Variants in MMP26 observed in about 807,000 individuals in gnomAD.
MMP26 encodes the protein matrix metalloproteinase-26.
In MMP26, 33 loss-of-function variants were observed where a neutral mutation model predicts 31.0. The ratio of observed to expected loss-of-function variants is 1.06; its 90% CI spans 0.81 to 1.42. The LOEUF is 1.42. Ranked by LOEUF, MMP26 falls within the 40% of genes most tolerant of loss-of-function variation. The pLI, the probability that MMP26 is intolerant of heterozygous loss-of-function variation, is 0.00. For synonymous variants in MMP26, 122 were observed against 114.9 expected (o/e 1.06, Z -0.40); for missense variants, 347 against 316.1 (o/e 1.10, Z -0.74).
chr11:4,897,947 T>C (rs968529026), intron 2 of MMP26, among the ~76,000 whole-genome samples: 27 of 147,936 alleles, frequency 1.8e-4, no homozygotes, highest in Non-Finnish European at 9.0e-5. Context: ...AAATAATAAA[T>C]ATTATATATT....
chr11:4,888,679 A>G (rs1314606648), intron 2 of MMP26, among the ~76,000 whole-genome samples: 4 of 152,158 alleles, frequency 2.6e-5, no homozygotes, highest in Non-Finnish European at 5.9e-5. Flanking sequence ...ATGTTATGAG[A>G]TAGTTTATTG....
At chr11:4,788,688 G>T (rs555525446) in intron 2 of MMP26, among the ~76,000 whole-genome samples, 1 of 152,158 alleles carries the variant, frequency 6.6e-6, no homozygotes, top group African/African-American at 2.4e-5. Context: ...AGCTTTAGAG[G>T]TGCCAGTTTG....
chr11:4,984,709 A>C (rs528106595), intron 2 of MMP26, among the ~76,000 whole-genome samples: 19 of 152,196 alleles, frequency 1.2e-4, no homozygotes, highest in Non-Finnish European at 2.5e-4. Flanking sequence ...TAAATTTGTC[A>C]ATTGACAAAT....
intron 2 of MMP26, chr11:4,769,916 A>T (rs774976775): frequency 6.4e-7 from 1 of 1,568,878 alleles, no homozygotes; most frequent in South Asian, 1.1e-5. Flanking sequence ...TAGGATTTCC[A>T]TGGTGTCCTG....
At chr11:4,990,828 G>A (rs367947665) in intron 5 of MMP26, 82 bp downstream of exon 5, 1 of 1,410,094 alleles carries the variant, frequency 7.1e-7, no homozygotes, top group Non-Finnish European at 9.5e-7. Context: ...CAAAAACCTA[G>A]CCCCCCTATT....
intron 2 of MMP26, chr11:4,860,325 C>T (rs1287749112): frequency 2.1e-6 from 1 of 471,144 alleles, no homozygotes; most frequent in Non-Finnish European, 4.4e-6. Flanking sequence ...GCATGGAGGG[C>T]AAGGTGGACA....
intron 2 of MMP26, among the ~76,000 whole-genome samples, chr11:4,956,118 G>T (rs574942932): frequency 6.6e-6 from 1 of 152,134 alleles, no homozygotes; most frequent in Non-Finnish European, 1.5e-5. Flanking sequence ...AGTTCTATGT[G>T]ATCAGTTGCC....
At chr11:4,882,546 T>C (rs1421049317) in intron 2 of MMP26, 1 of 1,613,966 alleles carries the variant, frequency 6.2e-7, no homozygotes, top group Non-Finnish European at 8.5e-7. Flanking sequence ...GTATTGTTTA[T>C]TCTTTTCTCC....
chr11:4,884,268 A>C (rs74479301), intron 2 of MMP26, among the ~76,000 whole-genome samples: 3,697 of 152,220 alleles, frequency 0.024, 148 homozygotes, highest in African/African-American at 0.083. Flanking sequence ...TGCAATTATA[A>C]GTAAAATTCG....
At chr11:4,914,844 G>A in intron 2 of MMP26, 1 of 1,614,004 alleles carries the variant, frequency 6.2e-7, no homozygotes, top group East Asian at 2.2e-5. Context: ...ACCAGGTGGG[G>A]TGCCTGCTTT....
intron 2 of MMP26, among the ~76,000 whole-genome samples, chr11:4,892,277 T>TA (rs1160745914): frequency 2.0e-5 from 3 of 152,098 alleles, no homozygotes; most frequent in East Asian, 1.9e-4. Flanking sequence ...AAAGTCCACA[T>TA]AAAAAAAGTA....
Position 4,871,702 on chromosome 11 carries a change from G to C in MMP26, c.-145+104361G>C, listed in dbSNP as rs191584516. Reference sequence around the variant, plus strand: ...AAATCTCCGTGCTGCTGTGGTTGACGCATCAGAAAAGACTCTTGTCTCCTA... The same window carrying C: ...AAATCTCCGTGCTGCTGTGGTTGACCCATCAGAAAAGACTCTTGTCTCCTA... On this transcript the variant is annotated intron_variant, in intron 2 of 7. Coordinates refer to ENST00000380390, the MANE Select transcript of MMP26 (RefSeq NM_021801.5). 5 of 152,104 alleles carry C rather than the reference G, an allele frequency of 3.3e-5. No homozygotes were observed. The South Asian group carries it at 6.2e-4, about 19-fold the overall frequency. 9.4% of individuals were successfully genotyped at this position (152,104 alleles called of 1,614,324 possible).
intron 1 of MMP26, among the ~76,000 whole-genome samples, chr11:4,751,001 T>A (rs905792126): frequency 2.6e-5 from 4 of 152,078 alleles, no homozygotes; most frequent in African/African-American, 9.7e-5. Flanking sequence ...AGTTCCATAA[T>A]AGCCATTCAA....
At chr11:4,710,397 C>T (rs1319255801) in intron 1 of MMP26, 2 of 456,860 alleles carry the variant, frequency 4.4e-6, no homozygotes, top group African/African-American at 2.0e-5. Flanking sequence ...TGTGCACATG[C>T]TCATTGCCAA....
chr11:4,717,071 CATG>C (rs1351768443), intron 1 of MMP26, among the ~76,000 whole-genome samples: 2 of 152,118 alleles, frequency 1.3e-5, no homozygotes, highest in Non-Finnish European at 2.9e-5. Context: ...GAATTTCTTT[CATG>C]ATGATTTTCA....
At chr11:4,741,252 C>G (rs1848307434) in intron 1 of MMP26, among the ~76,000 whole-genome samples, 2 of 152,188 alleles carry the variant, frequency 1.3e-5, no homozygotes, top group South Asian at 2.1e-4. Flanking sequence ...TCTGAGGTCT[C>G]AAAGATCTAG....
rs140086071 is a variant in MMP26 at position 4,987,628 on chromosome 11, C to T, written c.-144-440C>T. ...AGAGACGGGGTTTCACCGTGTTAGC[C>T]AGGATGGTCTCGATCTCCTGACTTG... On this transcript the variant is annotated intron_variant, in intron 2 of 7. Coordinates refer to ENST00000380390, the MANE Select transcript of MMP26 (RefSeq NM_021801.5). 6.0e-3 allele frequency among the ~76,000 whole-genome samples: 906 copies of T among 151,866 alleles called. 6 individuals carry two copies. Among genetic ancestry groups the T allele is most frequent in the African/African-American group, 0.018 (746 of 41,426 alleles).
At chr11:4,714,936 A>G (rs1316282575) in intron 1 of MMP26, among the ~76,000 whole-genome samples, 1 of 151,658 alleles carries the variant, frequency 6.6e-6, no homozygotes, top group Non-Finnish European at 1.5e-5. Context: ...ACACACACAC[A>G]CACACACACA....
At chr11:4,815,909 G>C (rs1849413763) in intron 2 of MMP26, among the ~76,000 whole-genome samples, 1 of 152,068 alleles carries the variant, frequency 6.6e-6, no homozygotes, top group South Asian at 2.1e-4. Flanking sequence ...AAGATCTTGA[G>C]GATATTTACG....
Sources: allele counts gnomAD v4.1 joint callset (sites outside exome capture counted in the v4.1 genomes callset), GRCh38; gene constraint gnomAD v4.1.1; transcripts MANE v1.5; gene names NCBI Gene and HGNC (gene_info 2026-07-23, HGNC 2026-07-21).